The following ANKFN1 variants were observed in gnomAD, a reference collection of about 807,000 sequenced individuals.
The protein encoded by ANKFN1 is ankyrin repeat and fibronectin type III domain containing 1, also known as ankyrin repeat and fibronectin type-III domain-containing protein 1.
In ANKFN1, 74 loss-of-function variants were observed where a neutral mutation model predicts 108.7. The ratio of observed to expected loss-of-function variants is 0.68; its 90% CI spans 0.56 to 0.83. The LOEUF (loss-of-function observed/expected upper bound fraction) is 0.83. ANKFN1 is among the 40% of genes least tolerant of loss of function. The pLI is 0.00. For synonymous variants in ANKFN1, 547 were observed against 516.2 expected (o/e 1.06, Z -0.81); for missense variants, 1,505 against 1,382.3 (o/e 1.09, Z -1.41).
intron 3 of ANKFN1, among the ~76,000 whole-genome samples, chr17:56,245,385 T>C (rs1917887873): frequency 6.6e-6 from 1 of 152,144 alleles, no homozygotes; most frequent in African/African-American, 2.4e-5. Flanking sequence ...AACTACTTTA[T>C]CTGGTTCTCA....
intron 3 of ANKFN1, among the ~76,000 whole-genome samples, chr17:56,312,069 G>A (rs9904126): frequency 0.34 from 52,040 of 151,604 alleles, 9,089 homozygotes; most frequent in East Asian, 0.53. Context: ...CCCATTGGAC[G>A]TTATCTTCCT....
chr17:56,325,312 T>C (rs1303805053), intron 3 of ANKFN1, among the ~76,000 whole-genome samples: 3 of 148,554 alleles, frequency 2.0e-5, no homozygotes, highest in South Asian at 2.3e-4. Flanking sequence ...AGTATTCATA[T>C]GTGCTATCAA....
chr17:56,283,140 G>A (rs2044128459), intron 3 of ANKFN1, among the ~76,000 whole-genome samples: 1 of 152,092 alleles, frequency 6.6e-6, no homozygotes, highest in Non-Finnish European at 1.5e-5. Flanking sequence ...CCATCCTTAA[G>A]CATACATGTG....
intron 8 of ANKFN1, among the ~76,000 whole-genome samples, chr17:56,437,786 A>G (rs2048975149): frequency 1.3e-5 from 2 of 152,128 alleles, no homozygotes; most frequent in South Asian, 4.1e-4. Context: ...ATAAACATAT[A>G]TATGTGTTTT....
At chr17:56,312,885 G>A (rs1247385202) in intron 3 of ANKFN1, among the ~76,000 whole-genome samples, 2 of 152,148 alleles carry the variant, frequency 1.3e-5, no homozygotes, top group Non-Finnish European at 2.9e-5. Context: ...GGGCGGGCAC[G>A]GTGGCTCATG....
intron 1 of ANKFN1, among the ~76,000 whole-genome samples, chr17:56,176,675 T>C (rs1911188419): frequency 6.6e-6 from 1 of 152,196 alleles, no homozygotes; most frequent in African/African-American, 2.4e-5. Flanking sequence ...TTAAGACTTA[T>C]GTGCAAATGG....
At chr17:56,349,985 C>A (rs2046204351) in intron 4 of ANKFN1, among the ~76,000 whole-genome samples, 1 of 152,104 alleles carries the variant, frequency 6.6e-6, no homozygotes, top group Non-Finnish European at 1.5e-5. Context: ...ATTTCAAGAG[C>A]AATACCCACA....
chr17:56,510,445 T>A (rs1235871864), intron 20 of ANKFN1, 28 bp from the exon 21 acceptor site: 1 of 1,527,970 alleles, frequency 6.5e-7, no homozygotes, highest in East Asian at 2.4e-5. Flanking sequence ...GACTATATTT[T>A]TCCTAACCTC....
intron 3 of ANKFN1, among the ~76,000 whole-genome samples, chr17:56,320,942 T>TAA (rs1450898048): frequency 6.6e-6 from 1 of 152,050 alleles, no homozygotes; most frequent in Non-Finnish European, 1.5e-5. Context: ...AGAAAAATTC[T>TAA]AAAAGAGGCT....
At chr17:56,465,100 C>CT (rs1218383336) in intron 14 of ANKFN1, among the ~76,000 whole-genome samples, 2 of 151,802 alleles carry the variant, frequency 1.3e-5, no homozygotes, top group East Asian at 3.9e-4. Flanking sequence ...TCTTTTCTTC[C>CT]TTTTTTTTCC....
At chr17:56,170,799 T>TACACACACACACACACACAC (rs1325475648) in intron 1 of ANKFN1, among the ~76,000 whole-genome samples, 1 of 62,824 alleles carries the variant, frequency 1.6e-5, no homozygotes, top group Non-Finnish European at 3.8e-5. Flanking sequence ...TATATATATA[T>TACACACACACACACACACAC]ATATATATAC....
At chr17:56,047,365 A>G (rs181653300) in intron 4 of ANKFN1, among the ~76,000 whole-genome samples, 369 of 149,158 alleles carry the variant, frequency 2.5e-3, no homozygotes, top group Non-Finnish European at 4.5e-3. Flanking sequence ...GGAAAGGGGG[A>G]GAACGAAGGA....
chr17:56,177,072 C>T (rs946758001), intron 1 of ANKFN1, among the ~76,000 whole-genome samples: 4 of 152,196 alleles, frequency 2.6e-5, no homozygotes. Context: ...GTAGGGATTT[C>T]CCCAGAGCCC....
intron 4 of ANKFN1, among the ~76,000 whole-genome samples, chr17:56,087,837 A>G (rs1905344624): frequency 6.6e-6 from 1 of 151,450 alleles, no homozygotes; most frequent in African/African-American, 2.4e-5. Context: ...GTCAGGGTTA[A>G]GTAGTCACAA....
intron 4 of ANKFN1, among the ~76,000 whole-genome samples, chr17:56,144,185 A>AAAAAAAAAAAAAAAAAAAACAACT (rs1555600058): frequency 1.0e-5 from 1 of 99,232 alleles, no homozygotes; most frequent in African/African-American, 3.6e-5. Flanking sequence ...AAAAAAAAAA[A>AAAAAAAAAAAAAAAAAAAACAACT]CAGCCCAAAC....
At chr17:56,455,554 A>G (rs1024617620) in intron 11 of ANKFN1, among the ~76,000 whole-genome samples, 1 of 152,200 alleles carries the variant, frequency 6.6e-6, no homozygotes, top group African/African-American at 2.4e-5. Flanking sequence ...CATATGGACC[A>G]TATTCTCATC....
chr17:56,324,790 T>C (rs1239915619), intron 3 of ANKFN1, among the ~76,000 whole-genome samples: 2 of 152,142 alleles, frequency 1.3e-5, no homozygotes, highest in African/African-American at 4.8e-5. Flanking sequence ...GAAGGAGAGA[T>C]TTTGCCTTTT....
chr17:56,312,483 A>G lies in ANKFN1; in HGVS notation c.54-13738A>G, dbSNP rs1282028611. ...TTCACACTCCTTTAGTTGAATCCCT[A>G]ACATAGGTACTTCCCACTTTCTCGG... On this transcript the variant is annotated intron_variant, in intron 3 of 20. Transcript: ENST00000682825. Among the ~76,000 whole-genome samples, 3 of 151,874 alleles carry G rather than the reference A, an allele frequency of 2.0e-5. No homozygotes were observed. In the South Asian group the frequency reaches 6.3e-4, roughly 32 times the overall value.
chr17:56,445,335 A>G (rs1568007003), intron 10 of ANKFN1, among the ~76,000 whole-genome samples: 1 of 152,210 alleles, frequency 6.6e-6, no homozygotes, highest in Non-Finnish European at 1.5e-5. Context: ...AGTTTCCATA[A>G]GCTGCACGTT....
Sources: allele counts gnomAD v4.1 joint callset (sites outside exome capture counted in the v4.1 genomes callset), GRCh38; gene constraint gnomAD v4.1.1; transcripts MANE v1.5; gene names NCBI Gene and HGNC (gene_info 2026-07-23, HGNC 2026-07-21).